Variants in COPS2 observed in about 807,000 individuals in gnomAD.
COPS2 encodes the protein COP9 signalosome complex subunit 2.
Under a neutral mutation model 66.1 loss-of-function variants are expected in COPS2, and 10 were observed. The ratio of observed to expected loss-of-function variants is 0.15; its 90% confidence interval spans 0.09 to 0.26. COPS2 has a LOEUF of 0.26. Ranked by LOEUF, COPS2 falls within the 10% of genes least tolerant of loss-of-function variation. The pLI, the probability that COPS2 is intolerant of heterozygous loss-of-function variation, is 1.00. For synonymous variants in COPS2, 179 were observed against 171.3 expected (o/e 1.04, Z -0.35); for missense variants, 215 against 513.3 (o/e 0.42, Z 5.62).
chr15:49,145,772 T>G (rs2084317118), intron 1 of COPS2, among the ~76,000 whole-genome samples: 1 of 152,120 alleles, frequency 6.6e-6, no homozygotes, highest in African/African-American at 2.4e-5. Context: ...AAAACTGGAA[T>G]AAAACAACTA....
intron 4 of COPS2, chr15:49,137,669 A>T: frequency 6.7e-6 from 3 of 447,086 alleles, no homozygotes. Context: ...ATATTTCCCC[A>T]TATAAACATA....
chr15:49,147,313 G>T (rs1242352298), intron 1 of COPS2, among the ~76,000 whole-genome samples: 1 of 152,108 alleles, frequency 6.6e-6, no homozygotes, highest in East Asian at 1.9e-4. Context: ...GAACCTGGAA[G>T]TAAAATGAAA....
At chr15:49,145,214 AATGCCACTGAT>A in intron 1 of COPS2, 136 bp from the exon 2 acceptor site, 1 of 484,102 alleles carries the variant, frequency 2.1e-6, no homozygotes, top group Non-Finnish European at 3.6e-6. Flanking sequence ...ACATACGTAA[AATGCCACTGAT>A]ATTCAACTGT....
chr15:49,133,009 G>A (rs1182246628), intron 9 of COPS2, among the ~76,000 whole-genome samples: 3 of 123,924 alleles, frequency 2.4e-5, no homozygotes, highest in African/African-American at 8.9e-5. Context: ...TTTTTTTTGA[G>A]ACGGAGTCTT....
intron 1 of COPS2, 70 bp from the exon 2 acceptor site, chr15:49,145,148 G>T: frequency 1.3e-6 from 1 of 793,310 alleles, no homozygotes; most frequent in Non-Finnish European, 2.0e-6. Context: ...CGTAAAAAGT[G>T]AATGCTGTTA....
At chr15:49,152,999 T>C (rs1253768893) in intron 1 of COPS2, among the ~76,000 whole-genome samples, 1 of 152,194 alleles carries the variant, frequency 6.6e-6, no homozygotes, top group East Asian at 1.9e-4. Context: ...TATTGCTACA[T>C]TACATTCTCA....
Position 49,124,967 on chromosome 15 carries a change from T to A in COPS2, c.*2983A>T. On this transcript the variant is annotated 3_prime_UTR_variant, in exon 13 of 13. Transcript: ENST00000388901. ...GACACTGACACCACAAAAGCATACA[T>A]ACCTGTGTTTACTGAAGAACTGTAA... 6.6e-6 allele frequency: 1 copy of A among 152,180 alleles called. No homozygotes were observed. The highest frequency in any genetic ancestry group is 1.9e-4 in the East Asian group (1 of 5,204). The allele number at this position is 152,180 out of a possible 1,614,324, so 9.4% of individuals were successfully genotyped here.
At chr15:49,130,115 G>A (rs2084197481) in intron 10 of COPS2, among the ~76,000 whole-genome samples, 3 of 152,100 alleles carry the variant, frequency 2.0e-5, no homozygotes, top group Admixed American at 1.3e-4. Flanking sequence ...GAAAGATGGG[G>A]AACAGAACAT....
intron 1 of COPS2, among the ~76,000 whole-genome samples, chr15:49,154,468 A>C (rs1247500199): frequency 6.6e-6 from 1 of 152,186 alleles, no homozygotes; most frequent in Admixed American, 6.5e-5. Flanking sequence ...ATATATACGA[A>C]AAAGTTATAG....
chr15:49,141,541 T>C (rs2084289719), intron 3 of COPS2, among the ~76,000 whole-genome samples: 1 of 152,126 alleles, frequency 6.6e-6, no homozygotes, highest in Admixed American at 6.6e-5. Flanking sequence ...ATTTATCTCA[T>C]GTTATAATAA....
At chr15:49,133,268 G>A (rs1320113490) in intron 9 of COPS2, among the ~76,000 whole-genome samples, 3 of 152,174 alleles carry the variant, frequency 2.0e-5, no homozygotes, top group Non-Finnish European at 2.9e-5. Context: ...GATGACAGGC[G>A]TGAGCCACCA....
rs2141130715 is a variant in COPS2 at position 49,144,357 on chromosome 15, T to C, written c.169-53A>G. 7 of 1,002,332 alleles carry C rather than the reference T, an allele frequency of 7.0e-6. 1 individual carries two copies. The South Asian group carries it at 9.3e-5, about 13-fold the overall frequency. The allele number at this position is 1,002,332 out of a possible 1,614,324, so 62.1% of individuals were successfully genotyped here. ...ATCTTAATATTAACACATTATTTTC[T>C]AATGATGCCCAATGTGTAAGTATTG... On this transcript the variant is annotated intron_variant, in intron 2 of 12. Transcript: ENST00000388901.
chr15:49,129,781 T>G (rs757520591), intron 10 of COPS2, among the ~76,000 whole-genome samples: 79 of 152,284 alleles, frequency 5.2e-4, no homozygotes, highest in Non-Finnish European at 8.4e-4. Context: ...TTGTTGACAT[T>G]GAGACTCTAC....
Position 49,125,095 on chromosome 15 carries a change from C to A in COPS2, c.*2855G>T, listed in dbSNP as rs2084155041. 6.6e-6 allele frequency: 1 copy of A among 152,086 alleles called. No individual in the cohort carries two copies. The highest frequency in any genetic ancestry group is 2.4e-5 in the African/African-American group (1 of 41,430). The allele number at this position is 152,086 out of a possible 1,614,324, so 9.4% of individuals were successfully genotyped here. On this transcript the variant is annotated 3_prime_UTR_variant, in exon 13 of 13. Coordinates refer to ENST00000388901, the MANE Select transcript of COPS2 (RefSeq NM_004236.4). Reference sequence around the variant, plus strand: ...CAGTCTAAGACAAACCTAAGTCTTACATAAGGTAACAAACACTACCACCCA... The same window carrying A: ...CAGTCTAAGACAAACCTAAGTCTTAAATAAGGTAACAAACACTACCACCCA...
intron 1 of COPS2, among the ~76,000 whole-genome samples, chr15:49,148,574 A>T (rs190495786): frequency 1.4e-3 from 213 of 152,334 alleles, no homozygotes; most frequent in African/African-American, 4.9e-3. Context: ...TATTGAACAG[A>T]GGAACAGGAC....
chr15:49,147,195 T>C (rs1345070288), intron 1 of COPS2, among the ~76,000 whole-genome samples: 2 of 152,178 alleles, frequency 1.3e-5, no homozygotes, highest in Non-Finnish European at 2.9e-5. Flanking sequence ...TATCATACAA[T>C]AACTAAAATA....
intron 10 of COPS2, among the ~76,000 whole-genome samples, chr15:49,130,139 T>C (rs571749054): frequency 3.3e-5 from 5 of 152,296 alleles, no homozygotes; most frequent in Non-Finnish European, 4.4e-5. Flanking sequence ...TTCTGATGCA[T>C]CTGAAATTTA....
rs1290952178 is a variant in COPS2, at chr15:49,134,277, A to G, written c.715+63T>C. The G allele has an allele frequency of 1.5e-5, 23 of 1,523,532 alleles. No homozygotes were observed. In the East Asian group the frequency reaches 5.2e-4, roughly 34 times the overall value. 94.4% of individuals were successfully genotyped at this position (1,523,532 alleles called of 1,614,324 possible). ...ATACACTGAAGTTCTAAAAAGCAAGAGTTTAATTAAACACTTTGATATCTC... is the reference window on the plus strand; with the variant it reads ...ATACACTGAAGTTCTAAAAAGCAAGGGTTTAATTAAACACTTTGATATCTC... On this transcript the variant is annotated intron_variant, in intron 7 of 12. Coordinates refer to ENST00000388901, the MANE Select transcript of COPS2 (RefSeq NM_004236.4).
intron 1 of COPS2, 86 bp downstream of exon 1, chr15:49,155,439 T>C (rs1490050135): frequency 6.3e-6 from 8 of 1,268,592 alleles, no homozygotes; most frequent in Non-Finnish European, 9.2e-6. Context: ...GCACATGCTC[T>C]ACGGGGAGAG....
Sources: allele counts gnomAD v4.1 joint callset (sites outside exome capture counted in the v4.1 genomes callset), GRCh38; gene constraint gnomAD v4.1.1; transcripts MANE v1.5; gene names NCBI Gene and HGNC (gene_info 2026-07-23, HGNC 2026-07-21).